INPP5E: variants seen among roughly 807,000 people sequenced by gnomAD.
The protein encoded by INPP5E is inositol polyphosphate-5-phosphatase E.
INPP5E carries 34 observed loss-of-function variants against 50.5 expected under a neutral mutation model. The observed-to-expected ratio is 0.67, with a 90% CI of 0.51 to 0.90. The LOEUF (loss-of-function observed/expected upper bound fraction) is 0.90, where lower values mean the gene tolerates loss of function less well. Ranked by LOEUF, INPP5E falls within the 40% of genes least tolerant of loss-of-function variation. The pLI is 0.00. For missense variants in INPP5E, 942 were observed against 905.5 expected, an observed-to-expected ratio of 1.04 and a Z score of -0.52; for synonymous variants, 447 against 406.0, an observed-to-expected ratio of 1.10 and a Z score of -1.21.
Position 136,439,740 on chromosome 9 carries a change from G to A in INPP5E, c.-321C>T, listed in dbSNP as rs542121150. 1.4e-3 allele frequency: 333 copies of A among 239,154 alleles called. No individual in the cohort carries two copies. Among genetic ancestry groups the A allele is most frequent in the African/African-American group, 7.1e-3 (313 of 44,350 alleles). 14.8% of individuals were successfully genotyped at this position (239,154 alleles called of 1,614,324 possible). Reference sequence around the variant, plus strand: ...GCTCGGGGAGAGGGGTGGGAAGCGGGCACCCCTGGCTGGGCTCGCAGACTC... The same window carrying A: ...GCTCGGGGAGAGGGGTGGGAAGCGGACACCCCTGGCTGGGCTCGCAGACTC... On this transcript the variant is annotated 5_prime_UTR_variant, in exon 1 of 10. Coordinates refer to ENST00000371712, the MANE Select transcript of INPP5E (RefSeq NM_019892.6).
Position 136,430,178 on chromosome 9 carries a change from C to T in INPP5E, c.1802+99G>A, listed in dbSNP as rs555998498. On this transcript the variant is annotated intron_variant, in intron 9 of 9. Coordinates refer to ENST00000371712, the MANE Select transcript of INPP5E (RefSeq NM_019892.6). ...CAGCCCTGAAGGTCCCAGAACAAAG[C>T]CCCAAGTGGAACCCCACGATGACAG... The T allele has an allele frequency of 1.3e-5, 19 of 1,459,466 alleles. No homozygotes were observed. The Admixed American group carries it at 2.0e-4, about 15-fold the overall frequency. The allele number at this position is 1,459,466 out of a possible 1,614,324, so 90.4% of individuals were successfully genotyped here.
rs550485638 is a variant in INPP5E at position 136,438,674 on chromosome 9, G to A, written c.746C>T (p.Ser249Phe). ...GAAGGAGGATTTGGCCGAGCGAAGG[G>A]AACAGTCGTCGCAGGCCAGGGGGCT... ...PRSPLACDDC[S>F]LRSAKSSFSL... The change falls in exon 1 of 10, where the codon TCC (serine) becomes TTC (phenylalanine). Residue 249 changes from serine (S) to phenylalanine (F), a missense_variant. Ser to Phe is a radical substitution (Grantham distance 155, BLOSUM62 -2). Transcript: ENST00000371712. 66 of 1,594,240 alleles carry A rather than the reference G, an allele frequency of 4.1e-5. No homozygotes were observed. The highest frequency in any genetic ancestry group is 2.8e-4 in the Admixed American group (16 of 56,870).
In INPP5E at chr9:136,429,214, C is replaced by T. The variant is rs952157783; in HGVS notation, c.*461G>A. The T allele has an allele frequency of 9.8e-5, 27 of 275,898 alleles. No individual in the cohort carries two copies. Among genetic ancestry groups the T allele is most frequent in the Non-Finnish European group, 1.8e-4 (25 of 138,530 alleles). 17.1% of individuals were successfully genotyped at this position (275,898 alleles called of 1,614,324 possible). Reference sequence around the variant, plus strand: ...CAGATCCAGCCTTGCTCTGGATACCCGTGTGACATGGGGTGGTGTGTGTTT... The same window carrying T: ...CAGATCCAGCCTTGCTCTGGATACCTGTGTGACATGGGGTGGTGTGTGTTT... On this transcript the variant is annotated 3_prime_UTR_variant, in exon 10 of 10. Transcript: ENST00000371712.
rs138049542 is a variant in INPP5E at position 136,435,464 on chromosome 9, A to G, written c.813-601T>C. ...CGGGCTCAAGTGATCCTCCTGCCTC[A>G]GCCTCCCGAGTAGCTGGGACTCCAG... On this transcript the variant is annotated intron_variant, in intron 1 of 9. Coordinates refer to ENST00000371712, the MANE Select transcript of INPP5E (RefSeq NM_019892.6). 7.2e-3 allele frequency: 1,109 copies of G among 153,498 alleles called. 6 individuals carry two copies. Among genetic ancestry groups the G allele is most frequent in the Admixed American group, 0.013 (207 of 15,460 alleles). 9.5% of individuals were successfully genotyped at this position (153,498 alleles called of 1,614,324 possible).
At chr9:136,429,854 AG>A in intron 9 of INPP5E, 47 bp from the exon 10 acceptor site, 2 of 1,281,344 alleles carry the variant, frequency 1.6e-6, no homozygotes. Flanking sequence ...GGCCAGGAGG[AG>A]GGGGCGTTAG....
At position 136,439,037 on chromosome 9, in the gene INPP5E, C is replaced by A. The variant is rs769446973; in HGVS notation, c.383G>T (p.Cys128Phe). ...SEGPGAPAHS[C>F]SPPCLSTSLQ... ...GGAGGTGCTCAGGCAGGGCGGGGAG[C>A]AGCTGTGGGCGGGGGCCCCGGGGCC... Residue 128 changes from cysteine (C) to phenylalanine (F), a missense_variant, in exon 1 of 10, where the codon TGC (cysteine) becomes TTC (phenylalanine). Transcript: ENST00000371712. 2.5e-6 allele frequency: 4 copies of A among 1,580,168 alleles called. No individual in the cohort carries two copies. The South Asian group carries it at 4.6e-5, about 18-fold the overall frequency.
In INPP5E at chr9:136,439,202, C is replaced by A; in HGVS notation, c.218G>T (p.Arg73Leu). The A allele has an allele frequency of 6.5e-7, 1 of 1,541,210 alleles. No homozygotes were observed. Among genetic ancestry groups the A allele is most frequent in the Non-Finnish European group, 8.7e-7 (1 of 1,149,096 alleles). ...CTCCAGTCGAGGCCTGGCGGGGGGC[C>A]GCGGGGCGATGGGTGCTGCTCGGGC... ...PPARAAPIAP[R>L]PPARPRLERA... Residue 73 changes from arginine (R) to leucine (L), a missense_variant, in exon 1 of 10, where the codon CGG becomes CTG. Arg to Leu is a moderately radical substitution (Grantham distance 102). Transcript: ENST00000371712.
At chr9:136,435,809 C>G (rs1272265380) in intron 1 of INPP5E, 2 of 152,034 alleles carry the variant, frequency 1.3e-5, no homozygotes, top group Non-Finnish European at 2.9e-5. Context: ...GCCGTGTGCC[C>G]GAGACGCTTG....
rs61734181 is a variant in INPP5E at position 136,438,848 on chromosome 9, G to C, written c.572C>G (p.Pro191Arg). Reference sequence around the variant, plus strand: ...CAGGCTCAGGGCAGGCGGTGGGCGCGGGGGCAGCAGGCTGGGCAGCCTGGG... The same window carrying C: ...CAGGCTCAGGGCAGGCGGTGGGCGCCGGGGCAGCAGGCTGGGCAGCCTGGG... ...SSPRLPSLLPPRPPPALSLDI... is the reference protein window; with the variant it reads ...SSPRLPSLLPRRPPPALSLDI... Residue 191 changes from proline (P) to arginine (R), a missense_variant, in exon 1 of 10, where the codon CCG (proline) becomes CGG (arginine). Coordinates refer to ENST00000371712, the MANE Select transcript of INPP5E (RefSeq NM_019892.6). The C allele has an allele frequency of 4.4e-4, 701 of 1,604,614 alleles. 2 individuals are homozygous for C. In the African/African-American group the frequency reaches 8.0e-3, roughly 18 times the overall value.
chr9:136,435,332 G>A (rs981548322), intron 1 of INPP5E, among the ~76,000 whole-genome samples: 12 of 152,028 alleles, frequency 7.9e-5, no homozygotes, highest in South Asian at 2.1e-4. Flanking sequence ...TGGCTTTGAC[G>A]CACTTTTGGG....
rs756506281 is a variant in INPP5E at position 136,434,842 on chromosome 9, G to A, written c.834C>T (p.Leu278=). ...CCCCCAACAGGGCCCCGCTGGCCAGGAGGCTGCCCTCCAGGTAACTCCTGT... is the reference window on the plus strand; with the variant it reads ...CCCCCAACAGGGCCCCGCTGGCCAGAAGGCTGCCCTCCAGGTAACTCCTGT... The part of the protein sequence containing the change: ...VRSRSYLEGS[L]LASGALLGAD... The change falls in exon 2 of 10, where the codon CTC becomes CTT. Residue 278 remains leucine (L), a synonymous_variant. Transcript: ENST00000371712. 1.2e-6 allele frequency: 2 copies of A among 1,610,296 alleles called. No individual in the cohort carries two copies. The highest frequency in any genetic ancestry group is 2.2e-5 in the South Asian group (2 of 90,464).
rs955120697 is a variant in INPP5E, at chr9:136,432,896, C to T, written c.1279+60G>A. 3.3e-5 allele frequency: 53 copies of T among 1,588,088 alleles called. No homozygotes were observed. The East Asian group carries it at 6.9e-4, about 21-fold the overall frequency. ...AGGACCCCTGCCTTGGACAGGGTCC[C>T]GGTCAGGAGAGGAAGCTGTTCTCAC... On this transcript the variant is annotated intron_variant, in intron 5 of 9. Transcript: ENST00000371712.
chr9:136,434,589 C>A (rs1835788979), intron 2 of INPP5E, 151 bp downstream of exon 2: 2 of 1,086,108 alleles, frequency 1.8e-6, no homozygotes, highest in Non-Finnish European at 1.3e-6. Context: ...CCCACTCTCA[C>A]CCTCCTGTAC....
At chr9:136,436,172 C>T (rs1358589906) in intron 1 of INPP5E, 1 of 152,296 alleles carries the variant, frequency 6.6e-6, no homozygotes, top group Non-Finnish European at 1.5e-5. Flanking sequence ...AGGAACCTCG[C>T]TACCTCACCC....
At chr9:136,432,371 C>T (rs1835727925) in intron 6 of INPP5E, 108 bp downstream of exon 6, 17 of 778,164 alleles carry the variant, frequency 2.2e-5, no homozygotes, top group Admixed American at 1.0e-4. Flanking sequence ...TTTCGGCCCT[C>T]GCTTCCCAAA....
chr9:136,438,853 C>T lies in INPP5E; in HGVS notation c.567G>A (p.Leu189=). 3 of 1,603,472 alleles carry T rather than the reference C, an allele frequency of 1.9e-6. No individual in the cohort carries two copies. In the South Asian group the frequency reaches 3.3e-5, roughly 18 times the overall value. The part of the protein sequence containing the change: ...AGSSPRLPSL[L]PPRPPPALSL... ...TCAGGGCAGGCGGTGGGCGCGGGGG[C>T]AGCAGGCTGGGCAGCCTGGGCGAGC... is the stretch of plus-strand genomic sequence containing the variant. Residue 189 remains leucine (L), a synonymous_variant, in exon 1 of 10, where the codon CTG becomes CTA. Transcript: ENST00000371712.
Position 136,439,312 on chromosome 9 carries a change from C to T in INPP5E, c.108G>A (p.Ala36=). 7.1e-7 allele frequency: 1 copy of T among 1,407,332 alleles called. No individual in the cohort carries two copies. The highest frequency in any genetic ancestry group is 9.2e-7 in the Non-Finnish European group (1 of 1,089,952). The allele number at this position is 1,407,332 out of a possible 1,614,324, so 87.2% of individuals were successfully genotyped here. A position where few individuals can be genotyped will look rare whatever the true frequency, so the allele number is the denominator to read the frequency against. ...AGCCCGGAGCATCGGGTGGGGACCC[C>T]GCGCGCTGGGCCGGCGGAGCGCCGG... is the stretch of plus-strand genomic sequence containing the variant. The part of the protein sequence containing the change: ...QLPGAPPAQR[A]GSPPDAPGSE... The change falls in exon 1 of 10, where the codon GCG becomes GCA. Residue 36 remains alanine, a synonymous_variant. Transcript: ENST00000371712.
At chr9:136,430,960 G>T in intron 8 of INPP5E, 42 bp downstream of exon 8, 1 of 1,387,340 alleles carries the variant, frequency 7.2e-7, no homozygotes, top group Non-Finnish European at 1.0e-6. Flanking sequence ...GGAGATGCCT[G>T]CCCTGGAAGC....
rs772376191 is a variant in INPP5E, at chr9:136,432,975, G to A, written c.1260C>T (p.Phe420=). ...ACTTACAGGTGAAGTGGGACGTGAT[G>A]AAGAGGAAGGAAGTGCCAAAAAAGG... ...SFTFFGTSFL[F]ITSHFTSGDG... The change falls in exon 5 of 10, where the codon TTC becomes TTT. Residue 420 remains phenylalanine (F), a synonymous_variant. Transcript: ENST00000371712. 1.2e-6 allele frequency: 2 copies of A among 1,613,356 alleles called. No individual in the cohort carries two copies. Among genetic ancestry groups the A allele is most frequent in the Middle Eastern group, 1.6e-4 (1 of 6,062 alleles).
Sources: allele counts gnomAD v4.1 joint callset (sites outside exome capture counted in the v4.1 genomes callset), GRCh38; gene constraint gnomAD v4.1.1; transcripts MANE v1.5; gene names NCBI Gene and HGNC (gene_info 2026-07-23, HGNC 2026-07-21).